ZNF727: variants seen among roughly 807,000 people sequenced by gnomAD.
ZNF727 encodes the protein zinc finger protein 727, also known as putative zinc finger protein 727.
ZNF727 carries 11 observed loss-of-function variants against 11.5 expected under a neutral mutation model. The observed-to-expected ratio is 0.95, with a 90% CI of 0.60 to 1.58. ZNF727 has a LOEUF of 1.58. Ranked by LOEUF, ZNF727 falls within the 40% of genes most tolerant of loss-of-function variation. The pLI, the probability that ZNF727 is intolerant of heterozygous loss-of-function variation, is 0.00. For synonymous variants in ZNF727, 171 were observed against 196.1 expected (o/e 0.87, Z 1.07); for missense variants, 533 against 581.7 (o/e 0.92, Z 0.86).
In ZNF727 at chr7:64,079,300, A is replaced by T. The variant is rs1785746748; in HGVS notation, c.*751A>T. Among the ~76,000 whole-genome samples the T allele has an allele frequency of 6.6e-6, 1 of 152,230 alleles. No individual in the cohort carries two copies. Among genetic ancestry groups the T allele is most frequent in the South Asian group, 2.1e-4 (1 of 4,836 alleles). On this transcript the variant is annotated 3_prime_UTR_variant, in exon 4 of 4. Transcript: ENST00000456806. ...CGTCATATTGTGTTCAACATCAGAG[A>T]CTTACTACTGAACAAATGTAGTATA...
rs1271187465 is a variant in ZNF727, at chr7:64,084,842, C to G, written c.*6293C>G. On this transcript the variant is annotated 3_prime_UTR_variant, in exon 4 of 4. Transcript: ENST00000456806. ...TTCGTATTTGTTTATGGTTGTATAC[C>G]TATTTTGAGAAGAAAAGAAAAATAT... 6.6e-6 allele frequency among the ~76,000 whole-genome samples: 1 copy of G among 151,952 alleles called. No individual in the cohort carries two copies. The highest frequency in any genetic ancestry group is 1.5e-5 in the Non-Finnish European group (1 of 67,968).
chr7:64,053,853 G>A (rs1003729990), intron 1 of ZNF727, among the ~76,000 whole-genome samples: 5 of 152,180 alleles, frequency 3.3e-5, no homozygotes, highest in Admixed American at 6.5e-5. Context: ...GAGTGGGCGG[G>A]ACATGACTGC....
rs1269443135 is a variant in ZNF727 at position 64,078,605 on chromosome 7, G to T, written c.*56G>T. On this transcript the variant is annotated 3_prime_UTR_variant, in exon 4 of 4. Transcript: ENST00000456806. ...ATGAATGTGGAAAAGCTTTTACGTG[G>T]ATCTTGGCCCTTAGTAAACACAAGA... 5 of 1,519,366 alleles carry T rather than the reference G, an allele frequency of 3.3e-6. No homozygotes were observed. In the Admixed American group the frequency reaches 9.2e-5, roughly 28 times the overall value. 94.1% of individuals were successfully genotyped at this position (1,519,366 alleles called of 1,614,324 possible). A position where few individuals can be genotyped will look rare whatever the true frequency, so the allele number is the denominator to read the frequency against.
In ZNF727 at chr7:64,077,257, G is replaced by A. The variant is rs1785680126; in HGVS notation, c.227-19G>A. On this transcript the variant is annotated intron_variant, in intron 3 of 3. Transcript: ENST00000456806. ...AGTCTGATGAGGGAGAAATTTTGTG[G>A]TTCTTTTTTTTTTTTCAGCTGGCTC... 1 of 1,428,032 alleles carries A rather than the reference G, an allele frequency of 7.0e-7. No individual in the cohort carries two copies. The highest frequency in any genetic ancestry group is 3.4e-5 in the Admixed American group (1 of 29,448). 88.5% of individuals were successfully genotyped at this position (1,428,032 alleles called of 1,614,324 possible).
In ZNF727 at chr7:64,080,656, G is replaced by T. The variant is rs1309476546; in HGVS notation, c.*2107G>T. ...GCTTCTGTCATCTTAGGCCTTGCTGGTAATGTAATTTGGTCATTTGGATGA... is the reference window on the plus strand; with the variant it reads ...GCTTCTGTCATCTTAGGCCTTGCTGTTAATGTAATTTGGTCATTTGGATGA... On this transcript the variant is annotated 3_prime_UTR_variant, in exon 4 of 4. Transcript: ENST00000456806. 3.3e-5 allele frequency among the ~76,000 whole-genome samples: 5 copies of T among 152,086 alleles called. No homozygotes were observed. Among genetic ancestry groups the T allele is most frequent in the Non-Finnish European group, 7.4e-5 (5 of 68,022 alleles).
chr7:64,059,009 A>T (rs938934728), intron 1 of ZNF727, among the ~76,000 whole-genome samples: 6 of 149,830 alleles, frequency 4.0e-5, no homozygotes, highest in African/African-American at 1.2e-4. Flanking sequence ...TAGTGGCACG[A>T]TCTACGCTCA....
At chr7:64,057,584 G>A (rs1376983175) in intron 1 of ZNF727, among the ~76,000 whole-genome samples, 1 of 152,134 alleles carries the variant, frequency 6.6e-6, no homozygotes, top group East Asian at 1.9e-4. Flanking sequence ...AGGAAGAACA[G>A]CGAATGGGTG....
Position 64,084,754 on chromosome 7 carries a change from TTAAA to T in ZNF727, c.*6208_*6211del, listed in dbSNP as rs1785848043. On this transcript the variant is annotated 3_prime_UTR_variant, in exon 4 of 4. Transcript: ENST00000456806. ...ACCTTTAGTTTTGATTTACATCAAT[TTAAA>T]TATACAAATGTATCACTGTAAAATA... Among the ~76,000 whole-genome samples, 1 of 152,200 alleles carries T rather than the reference TTAAA, an allele frequency of 6.6e-6. No homozygotes were observed. Among genetic ancestry groups the T allele is most frequent in the African/African-American group, 2.4e-5 (1 of 41,456 alleles).
intron 1 of ZNF727, among the ~76,000 whole-genome samples, chr7:64,058,683 TA>T (rs1352463969): frequency 6.6e-6 from 1 of 152,202 alleles, no homozygotes; most frequent in East Asian, 1.9e-4. Context: ...CCTGTAAAAC[TA>T]AATAATTCAA....
intron 3 of ZNF727, among the ~76,000 whole-genome samples, chr7:64,073,310 T>G (rs556030832): frequency 1.8e-3 from 256 of 143,470 alleles, no homozygotes; most frequent in African/African-American, 2.6e-3. Flanking sequence ...TTTTTGTGTG[T>G]TTTTTTTTTT....
In ZNF727 at chr7:64,078,633, A is replaced by G. The variant is rs969441847; in HGVS notation, c.*84A>G. The G allele has an allele frequency of 1.4e-6, 2 of 1,428,272 alleles. No homozygotes were observed. Among genetic ancestry groups the G allele is most frequent in the Admixed American group, 1.8e-5 (1 of 57,074 alleles). The allele number at this position is 1,428,272 out of a possible 1,614,324, so 88.5% of individuals were successfully genotyped here. On this transcript the variant is annotated 3_prime_UTR_variant, in exon 4 of 4. Transcript: ENST00000456806. ...CTTGGCCCTTAGTAAACACAAGAGA[A>G]TTCATACTGGAGAGAAACCCTACAT...
chr7:64,057,851 ATTAC>A (rs1789710386), intron 1 of ZNF727, among the ~76,000 whole-genome samples: 2 of 152,284 alleles, frequency 1.3e-5, no homozygotes, highest in South Asian at 4.1e-4. Context: ...ATTCTCCTTT[ATTAC>A]TTAATAAAGT....
intron 1 of ZNF727, among the ~76,000 whole-genome samples, chr7:64,064,121 T>C (rs932252948): frequency 1.3e-5 from 2 of 152,096 alleles, no homozygotes; most frequent in Non-Finnish European, 2.9e-5. Context: ...TACTGCTACC[T>C]CACTATGACT....
At chr7:64,056,138 A>G (rs963993638) in intron 1 of ZNF727, among the ~76,000 whole-genome samples, 3 of 152,128 alleles carry the variant, frequency 2.0e-5, no homozygotes, top group African/African-American at 7.2e-5. Context: ...TTTTATATTT[A>G]TTTTATAAAC....
rs1785821569 is a variant in ZNF727, at chr7:64,083,279, C to T, written c.*4730C>T. On this transcript the variant is annotated 3_prime_UTR_variant, in exon 4 of 4. Transcript: ENST00000456806. Reference sequence around the variant, plus strand: ...ATGAAGGTTGGAATGGCTAAGTTGCCCAAGAAGCAAAGATGGCGGCCCACT... The same window carrying T: ...ATGAAGGTTGGAATGGCTAAGTTGCTCAAGAAGCAAAGATGGCGGCCCACT... Among the ~76,000 whole-genome samples, 1 of 152,128 alleles carries T rather than the reference C, an allele frequency of 6.6e-6. No individual in the cohort carries two copies.
intron 1 of ZNF727, among the ~76,000 whole-genome samples, chr7:64,054,866 T>C (rs1296197443): frequency 6.6e-6 from 1 of 152,168 alleles, no homozygotes; most frequent in African/African-American, 2.4e-5. Context: ...TAAAATTGTG[T>C]TAAAATTGAT....
intron 1 of ZNF727, among the ~76,000 whole-genome samples, chr7:64,055,566 A>G (rs77999671): frequency 0.027 from 4,172 of 152,090 alleles, 199 homozygotes; most frequent in East Asian, 0.18. Flanking sequence ...CCACCATTCT[A>G]CTTTCCTTCT....
chr7:64,071,560 A>T (rs6953268), intron 3 of ZNF727, among the ~76,000 whole-genome samples: 105,093 of 151,774 alleles, frequency 0.69, 36,484 homozygotes, highest in Admixed American at 0.74. Context: ...GTTTTCTTAT[A>T]CTATTTTTTC....
At position 64,085,156 on chromosome 7, in the gene ZNF727, G is replaced by C. The variant is rs1785853454; in HGVS notation, c.*6607G>C. 6.6e-6 allele frequency among the ~76,000 whole-genome samples: 1 copy of C among 152,000 alleles called. No individual in the cohort carries two copies. Among genetic ancestry groups the C allele is most frequent in the African/African-American group, 2.4e-5 (1 of 41,384 alleles). On this transcript the variant is annotated 3_prime_UTR_variant, in exon 4 of 4. Coordinates refer to ENST00000456806, the MANE Select transcript of ZNF727 (RefSeq NM_001159522.3). ...ATGAAAGTGACTGATAAAATTTAATGGTGTTCATAAAATAATTTTCACATG... is the reference window on the plus strand; with the variant it reads ...ATGAAAGTGACTGATAAAATTTAATCGTGTTCATAAAATAATTTTCACATG...
Sources: allele counts gnomAD v4.1 joint callset (sites outside exome capture counted in the v4.1 genomes callset), GRCh38; gene constraint gnomAD v4.1.1; transcripts MANE v1.5; gene names NCBI Gene and HGNC (gene_info 2026-07-23, HGNC 2026-07-21).